The following USP30 variants were observed in gnomAD, a reference collection of about 807,000 sequenced individuals.
USP30 encodes the protein ubiquitin carboxyl-terminal hydrolase 30.
A neutral mutation model predicts 68.2 loss-of-function variants in USP30; 41 were observed. The observed-to-expected ratio is 0.60, with a 90% confidence interval of 0.47 to 0.78. USP30 has a LOEUF of 0.78. Among genes scored for constraint, USP30 ranks in the 30% least tolerant of loss-of-function variants. USP30 has a pLI of 0.00. For synonymous variants in USP30, 229 were observed against 253.7 expected, an observed-to-expected ratio of 0.90 and a Z score of 0.93; for missense variants, 522 against 649.4, an observed-to-expected ratio of 0.80 and a Z score of 2.13.
chr12:109,031,203 G>A (rs981441782), intron 3 of USP30, among the ~76,000 whole-genome samples: 9 of 151,952 alleles, frequency 5.9e-5, no homozygotes, highest in Admixed American at 1.3e-4. Flanking sequence ...GTGACTACAC[G>A]CATTGGAAAT....
chr12:109,050,328 A>G (rs1231481040), upstream of USP30, among the ~76,000 whole-genome samples: 2 of 152,032 alleles, frequency 1.3e-5, no homozygotes, highest in Non-Finnish European at 2.9e-5. Flanking sequence ...AACAAGATAT[A>G]CCTATATACC....
chr12:109,074,468 C>T (rs1448019038), intron 7 of USP30, among the ~76,000 whole-genome samples: 1 of 152,174 alleles, frequency 6.6e-6, no homozygotes, highest in Non-Finnish European at 1.5e-5. Context: ...TCCAAAGTGG[C>T]TATGCCATTT....
intron 8 of USP30, chr12:109,081,660 C>G (rs1019555135): frequency 2.8e-5 from 16 of 565,404 alleles, no homozygotes; most frequent in South Asian, 1.9e-4. Flanking sequence ...CACACACACA[C>G]ACAGACATTA....
intron 3 of USP30, among the ~76,000 whole-genome samples, chr12:109,039,194 T>C (rs888672563): frequency 3.9e-5 from 6 of 152,226 alleles, no homozygotes; most frequent in African/African-American, 1.4e-4. Flanking sequence ...CAAAGATTTT[T>C]CTCCGTTTTC....
At chr12:109,078,051 A>G (rs1406570113) in intron 7 of USP30, among the ~76,000 whole-genome samples, 1 of 152,162 alleles carries the variant, frequency 6.6e-6, no homozygotes, top group African/African-American at 2.4e-5. Flanking sequence ...CTTTGGATAT[A>G]TACCTGGAAG....
chr12:109,058,367 G>A (rs553256737), intron 3 of USP30, among the ~76,000 whole-genome samples: 97 of 152,124 alleles, frequency 6.4e-4, no homozygotes, highest in African/African-American at 2.1e-3. Flanking sequence ...TCAGGAGTTC[G>A]AAACCAGCCT....
chr12:109,073,296 T>C (rs2041501769), intron 6 of USP30, 142 bp from the exon 7 acceptor site: 3 of 627,204 alleles, frequency 4.8e-6, no homozygotes, highest in African/African-American at 3.7e-5. Context: ...TGGAAGTCAA[T>C]GAGGAAAGCT....
chr12:109,083,949 A>G (rs768800746), intron 11 of USP30, among the ~76,000 whole-genome samples: 3 of 152,052 alleles, frequency 2.0e-5, no homozygotes, highest in Non-Finnish European at 4.4e-5. Flanking sequence ...TAGGGGACAG[A>G]CTCTGGTTCA....
chr12:109,076,921 A>G (rs901200863), intron 7 of USP30, among the ~76,000 whole-genome samples: 2 of 151,470 alleles, frequency 1.3e-5, no homozygotes, highest in African/African-American at 4.9e-5. Flanking sequence ...TTTAGTAGAG[A>G]CAGGGTTTCA....
chr12:109,065,390 A>G lies in USP30; in HGVS notation c.377-2134A>G, dbSNP rs80241678. On this transcript the variant is annotated intron_variant, in intron 3 of 12. Coordinates refer to ENST00000257548, the MANE Select transcript of USP30 (RefSeq NM_032663.5). ...CACAGTCATGTCCATTTGTTTAGGTACTGCCTATGTCAGCCTCAAATAATC... is the reference window on the plus strand; with the variant it reads ...CACAGTCATGTCCATTTGTTTAGGTGCTGCCTATGTCAGCCTCAAATAATC... Among the ~76,000 whole-genome samples, 618 of 152,300 alleles carry G rather than the reference A, an allele frequency of 4.1e-3. 6 individuals carry two copies. Among genetic ancestry groups the G allele is most frequent in the African/African-American group, 0.014 (602 of 41,564 alleles).
chr12:109,072,452 C>A, intron 6 of USP30, 102 bp downstream of exon 6: 1 of 1,134,562 alleles, frequency 8.8e-7, no homozygotes, highest in Non-Finnish European at 1.3e-6. Context: ...GACATACAGG[C>A]CAGCTTGAAG....
At chr12:109,024,777 C>T (rs1016239164) in intron 1 of USP30, 16 of 152,098 alleles carry the variant, frequency 1.1e-4, no homozygotes, top group Non-Finnish European at 5.9e-5. Context: ...CCACCACCAC[C>T]CTGGGCTAAT....
At chr12:109,079,377 T>TTTTTTTTTTTG (rs1566103716) in intron 7 of USP30, among the ~76,000 whole-genome samples, 2 of 137,838 alleles carry the variant, frequency 1.5e-5, no homozygotes, top group African/African-American at 5.5e-5. Context: ...TTTTTTTTTT[T>TTTTTTTTTTTG]TTGTGACAGG....
intron 3 of USP30, among the ~76,000 whole-genome samples, chr12:109,028,775 C>T (rs1012374654): frequency 1.3e-5 from 2 of 152,198 alleles, no homozygotes; most frequent in African/African-American, 4.8e-5. Flanking sequence ...CCACACCCGA[C>T]TACCACACAC....
chr12:109,045,920 A>G (rs2040600537), intron 3 of USP30, among the ~76,000 whole-genome samples: 1 of 152,162 alleles, frequency 6.6e-6, no homozygotes. Flanking sequence ...AGATATAGAT[A>G]TAGGAGTGAG....
At chr12:109,037,679 C>A (rs745797759) in intron 3 of USP30, among the ~76,000 whole-genome samples, 4 of 152,152 alleles carry the variant, frequency 2.6e-5, no homozygotes, top group Non-Finnish European at 5.9e-5. Flanking sequence ...ACTCAGATAG[C>A]TTAGTGGTCA....
At position 109,085,215 on chromosome 12, in the gene USP30, T is replaced by C. The variant is rs2041912087; in HGVS notation, c.1289+142T>C. 13 of 1,034,066 alleles carry C rather than the reference T, an allele frequency of 1.3e-5. No homozygotes were observed. In the East Asian group the frequency reaches 3.7e-4, roughly 29 times the overall value. 64.1% of individuals were successfully genotyped at this position (1,034,066 alleles called of 1,614,324 possible). ...GAAGTTTCACGATTACACATTCCTATTTATTTTTGTCCAAAATGGAAATAA... is the reference window on the plus strand; with the variant it reads ...GAAGTTTCACGATTACACATTCCTACTTATTTTTGTCCAAAATGGAAATAA... On this transcript the variant is annotated intron_variant, in intron 12 of 12. Coordinates refer to ENST00000257548, the MANE Select transcript of USP30 (RefSeq NM_032663.5).
At chr12:109,030,037 T>C (rs1024476363) in intron 3 of USP30, among the ~76,000 whole-genome samples, 1 of 152,236 alleles carries the variant, frequency 6.6e-6, no homozygotes, top group South Asian at 2.1e-4. Flanking sequence ...TGTTGAACTA[T>C]ATTTTCTGCC....
upstream of USP30, among the ~76,000 whole-genome samples, chr12:109,049,817 AAAAAG>A (rs2040642586): frequency 6.6e-6 from 1 of 152,132 alleles, no homozygotes; most frequent in Non-Finnish European, 1.5e-5. Context: ...CATTATTGCA[AAAAAG>A]AAAAGAAAAA....
Sources: allele counts gnomAD v4.1 joint callset (sites outside exome capture counted in the v4.1 genomes callset), GRCh38; gene constraint gnomAD v4.1.1; transcripts MANE v1.5; gene names NCBI Gene and HGNC (gene_info 2026-07-23, HGNC 2026-07-21).